Variants in CADPS observed in about 807,000 individuals in gnomAD.
The protein encoded by CADPS is calcium dependent secretion activator.
CADPS carries 57 observed loss-of-function variants against 167.3 expected under a neutral mutation model. That is an observed-to-expected ratio of 0.34 (90% CI 0.28 to 0.42). The LOEUF is 0.42. Among genes scored for constraint, CADPS ranks in the 20% least tolerant of loss-of-function variants. CADPS has a pLI of 1.00. For missense variants in CADPS, 1,414 were observed against 1,738.1 expected, an observed-to-expected ratio of 0.81 and a Z score of 3.32; for synonymous variants, 676 against 635.3, an observed-to-expected ratio of 1.06 and a Z score of -0.96.
intron 3 of CADPS, among the ~76,000 whole-genome samples, chr3:62,704,949 A>C (rs981332257): frequency 6.6e-6 from 1 of 152,154 alleles, no homozygotes; most frequent in African/African-American, 2.4e-5. Context: ...CAATGGAGTC[A>C]ACAAAGTGGA....
At chr3:62,713,014 G>A (rs1387461106) in intron 3 of CADPS, among the ~76,000 whole-genome samples, 1 of 152,144 alleles carries the variant, frequency 6.6e-6, no homozygotes, top group African/African-American at 2.4e-5. Context: ...CATGGTGAAG[G>A]AATTGCTAAT....
Position 62,601,057 on chromosome 3 carries a change from A to G in CADPS, c.1326-8309T>C, listed in dbSNP as rs1206868465. On this transcript the variant is annotated intron_variant, in intron 6 of 29. Transcript: ENST00000383710. This position sits in a 1 kb window ranked among gnomAD's most constrained non-coding sequence, Gnocchi z 4.3. ...TTTACCTCAATACGTGGCACATAGAAAGCACTAAAAAATGTAAGTCTTCAT... is the reference window on the plus strand; with the variant it reads ...TTTACCTCAATACGTGGCACATAGAGAGCACTAAAAAATGTAAGTCTTCAT... Among the ~76,000 whole-genome samples, 6 of 152,188 alleles carry G rather than the reference A, an allele frequency of 3.9e-5. No homozygotes were observed. The South Asian group carries it at 1.2e-3, about 31-fold the overall frequency.
chr3:62,537,076 C>T (rs2074829833), intron 11 of CADPS, among the ~76,000 whole-genome samples: 1 of 152,142 alleles, frequency 6.6e-6, no homozygotes, highest in South Asian at 2.1e-4. Flanking sequence ...TCTTCCAAAT[C>T]CCCATTGCCA....
chr3:62,744,509 G>C (rs1045110818), intron 3 of CADPS, among the ~76,000 whole-genome samples: 1 of 152,180 alleles, frequency 6.6e-6, no homozygotes, highest in African/African-American at 2.4e-5. Context: ...CAAATTATTA[G>C]CATGGGGAAT....
intron 4 of CADPS, among the ~76,000 whole-genome samples, chr3:62,652,225 A>G (rs894217090): frequency 2.0e-5 from 3 of 152,042 alleles, no homozygotes; most frequent in Middle Eastern, 3.2e-3. Flanking sequence ...ATTCTCACCC[A>G]AAGTCTAACT....
chr3:62,840,157 G>A (rs970340628), intron 1 of CADPS, among the ~76,000 whole-genome samples: 8 of 152,128 alleles, frequency 5.3e-5, no homozygotes, highest in African/African-American at 1.9e-4. Context: ...TACAGTATGG[G>A]CCTCGCAAGT....
chr3:62,577,905 T>C (rs935919801), intron 8 of CADPS, among the ~76,000 whole-genome samples: 5 of 152,138 alleles, frequency 3.3e-5, no homozygotes, highest in African/African-American at 1.2e-4. Flanking sequence ...GATATTCAGC[T>C]AATTCCAAAG....
intron 11 of CADPS, among the ~76,000 whole-genome samples, chr3:62,538,862 G>A (rs1561854930): frequency 2.0e-5 from 3 of 152,036 alleles, no homozygotes; most frequent in East Asian, 1.9e-4. Flanking sequence ...CTGAAAAGGC[G>A]ACTTGGCTCC....
At chr3:62,739,897 T>C (rs979879441) in intron 3 of CADPS, among the ~76,000 whole-genome samples, 1 of 152,246 alleles carries the variant, frequency 6.6e-6, no homozygotes, top group Admixed American at 6.5e-5. Flanking sequence ...AACCCCACTG[T>C]AGTTATGCCT....
At chr3:62,627,468 G>A (rs529480724) in intron 6 of CADPS, among the ~76,000 whole-genome samples, 3 of 151,970 alleles carry the variant, frequency 2.0e-5, no homozygotes, top group Non-Finnish European at 2.9e-5. Context: ...CCTACTTTAT[G>A]GCCTGTTTAC....
intron 6 of CADPS, among the ~76,000 whole-genome samples, chr3:62,634,398 C>T (rs1488630172): frequency 6.6e-6 from 1 of 152,144 alleles, no homozygotes; most frequent in Non-Finnish European, 1.5e-5. Flanking sequence ...CATATTTGTA[C>T]ATATTTTTGT....
chr3:62,871,475 T>G (rs1002294615), intron 1 of CADPS, among the ~76,000 whole-genome samples: 1 of 152,122 alleles, frequency 6.6e-6, no homozygotes, highest in Admixed American at 6.5e-5. Flanking sequence ...CCTGACATGT[T>G]GTTAGGATTC....
chr3:62,846,817 C>T (rs953537307), intron 1 of CADPS, among the ~76,000 whole-genome samples: 9 of 152,034 alleles, frequency 5.9e-5, no homozygotes, highest in Non-Finnish European at 1.2e-4. Context: ...GTGACTGCCA[C>T]CACGCCTCTA....
rs963003677 is a variant in CADPS at position 62,421,504 on chromosome 3, C to T, written c.3777+16600G>A. On this transcript the variant is annotated intron_variant, in intron 28 of 29. Coordinates refer to ENST00000383710, the MANE Select transcript of CADPS (RefSeq NM_003716.4). The surrounding 1 kb of genome is among the most constrained non-coding windows in gnomAD (Gnocchi z 4.7). ...ATCCGCATGCACCCACAGCAGCTGT[C>T]ACTTTTGTCGAGCAAGTTAATCAAG... is the stretch of plus-strand genomic sequence containing the variant. 9.9e-5 allele frequency among the ~76,000 whole-genome samples: 15 copies of T among 152,242 alleles called. No individual in the cohort carries two copies. The highest frequency in any genetic ancestry group is 3.6e-4 in the African/African-American group (15 of 41,458).
At chr3:62,794,710 G>T (rs2093247910) in intron 1 of CADPS, among the ~76,000 whole-genome samples, 1 of 149,188 alleles carries the variant, frequency 6.7e-6, no homozygotes, top group East Asian at 2.0e-4. Context: ...GGATGGGAGG[G>T]CCCCGCGGAT....
At chr3:62,776,156 A>G (rs2090229618) in intron 1 of CADPS, among the ~76,000 whole-genome samples, 2 of 152,204 alleles carry the variant, frequency 1.3e-5, no homozygotes, top group Non-Finnish European at 2.9e-5. Context: ...TGAATCTGCT[A>G]GTAGTGAATC....
At chr3:62,597,716 C>T (rs2059128613) in intron 6 of CADPS, among the ~76,000 whole-genome samples, 1 of 152,308 alleles carries the variant, frequency 6.6e-6, no homozygotes, top group Non-Finnish European at 1.5e-5. Flanking sequence ...GGAGGCTGCC[C>T]TGACAACCCC....
At chr3:62,459,890 C>T (rs919919748) in intron 26 of CADPS, among the ~76,000 whole-genome samples, 1 of 152,210 alleles carries the variant, frequency 6.6e-6, no homozygotes, top group Non-Finnish European at 1.5e-5. Flanking sequence ...ATGTCTATTA[C>T]TTCAGTACTA....
chr3:62,668,372 C>T (rs187272621), intron 3 of CADPS, among the ~76,000 whole-genome samples: 3 of 152,166 alleles, frequency 2.0e-5, no homozygotes, highest in African/African-American at 4.8e-5. Context: ...GCAGCCTTGT[C>T]GGGCACCACA....
Sources: allele counts gnomAD v4.1 joint callset (sites outside exome capture counted in the v4.1 genomes callset), GRCh38; gene constraint gnomAD v4.1.1; non-coding constraint Gnocchi (gnomAD v3.1); transcripts MANE v1.5; gene names NCBI Gene and HGNC (gene_info 2026-07-23, HGNC 2026-07-21).